The following PVT1 variants were observed in gnomAD, a reference collection of about 807,000 sequenced individuals.
The protein encoded by PVT1 is Pvt1 oncogene.
intron 3 of PVT1, among the ~76,000 whole-genome samples, chr8:127,899,548 C>T (rs2129821814): frequency 6.6e-6 from 1 of 152,272 alleles, no homozygotes; most frequent in East Asian, 1.9e-4. Flanking sequence ...AGATGAGTCA[C>T]CTCTGGGAAA....
chr8:127,859,438 GTC>G (rs1381037929), intron 2 of PVT1, among the ~76,000 whole-genome samples: 1 of 152,078 alleles, frequency 6.6e-6, no homozygotes, highest in Non-Finnish European at 1.5e-5. Flanking sequence ...TTGAACTCTG[GTC>G]TCTGTTTTTG....
intron 3 of PVT1, among the ~76,000 whole-genome samples, chr8:127,980,035 G>A (rs970948707): frequency 2.8e-5 from 4 of 145,160 alleles, no homozygotes; most frequent in African/African-American, 7.3e-5. Flanking sequence ...CCATACCACA[G>A]CATCCGGCTA....
chr8:127,847,261 C>T (rs1446122877), intron 2 of PVT1, among the ~76,000 whole-genome samples: 1 of 151,564 alleles, frequency 6.6e-6, no homozygotes, highest in Non-Finnish European at 1.5e-5. Context: ...AGTTGCTCTA[C>T]CCAATCCTAA....
chr8:127,947,197 C>T (rs1816431659), intron 3 of PVT1: 2 of 155,080 alleles, frequency 1.3e-5, no homozygotes, highest in African/African-American at 4.8e-5. Context: ...GCTCAGAGAG[C>T]TTAGGTAGCT....
intron 2 of PVT1, among the ~76,000 whole-genome samples, chr8:127,877,726 C>A (rs1815420884): frequency 6.6e-6 from 1 of 152,100 alleles, no homozygotes; most frequent in African/African-American, 2.4e-5. Flanking sequence ...AACTTTCTTT[C>A]CAGCCTGGGC....
At chr8:128,032,692 C>G (rs949165694) in intron 4 of PVT1, among the ~76,000 whole-genome samples, 1 of 152,220 alleles carries the variant, frequency 6.6e-6, no homozygotes, top group Non-Finnish European at 1.5e-5. Flanking sequence ...TGGACTGCCT[C>G]CATGTCTAGG....
intron 3 of PVT1, among the ~76,000 whole-genome samples, chr8:127,929,547 A>G (rs1174871053): frequency 1.3e-5 from 2 of 152,218 alleles, no homozygotes; most frequent in African/African-American, 4.8e-5. Context: ...CAGGCGGATC[A>G]CGAGGTCAGG....
chr8:127,887,014 A>G (rs1815530306), intron 2 of PVT1, among the ~76,000 whole-genome samples: 1 of 152,176 alleles, frequency 6.6e-6, no homozygotes, highest in African/African-American at 2.4e-5. Flanking sequence ...CTGACTCCCT[A>G]GTATTGGGCA....
At chr8:127,811,254 C>A (rs945946327) in intron 2 of PVT1, among the ~76,000 whole-genome samples, 2 of 152,156 alleles carry the variant, frequency 1.3e-5, no homozygotes, top group African/African-American at 4.8e-5. Context: ...AAAAGAGAAG[C>A]CTTTTAAAAT....
At chr8:127,852,253 G>T (rs369718628) in intron 2 of PVT1, 1 of 152,256 alleles carries the variant, frequency 6.6e-6, no homozygotes, top group Non-Finnish European at 1.5e-5. Flanking sequence ...AGAGCCTGGC[G>T]TCAGAAAGCT....
At chr8:128,006,728 A>G (rs920922185) in intron 4 of PVT1, among the ~76,000 whole-genome samples, 2 of 152,202 alleles carry the variant, frequency 1.3e-5, no homozygotes, top group South Asian at 4.1e-4. Flanking sequence ...TATTGAAAAA[A>G]TGCAATTTTT....
At chr8:127,969,338 T>C (rs555093379) in intron 3 of PVT1, among the ~76,000 whole-genome samples, 2 of 152,318 alleles carry the variant, frequency 1.3e-5, no homozygotes, top group East Asian at 3.9e-4. Flanking sequence ...TCCATTCCTT[T>C]ATCTTGATTC....
chr8:127,974,408 A>G (rs943793342), intron 3 of PVT1, among the ~76,000 whole-genome samples: 7 of 151,990 alleles, frequency 4.6e-5, no homozygotes, highest in African/African-American at 9.7e-5. Flanking sequence ...CATCATCATC[A>G]TCATCATTAT....
intron 4 of PVT1, among the ~76,000 whole-genome samples, chr8:128,059,530 A>G (rs1274109086): frequency 6.6e-6 from 1 of 152,272 alleles, no homozygotes; most frequent in Non-Finnish European, 1.5e-5. Context: ...GGAAATTTCA[A>G]TGTCCATAAA....
At chr8:127,890,206 A>G (rs760154231) in intron 2 of PVT1, among the ~76,000 whole-genome samples, 27 of 152,330 alleles carry the variant, frequency 1.8e-4, no homozygotes, top group Non-Finnish European at 3.2e-4. Flanking sequence ...AGCTCCCTGC[A>G]GGGACCTCTC....
At chr8:127,858,208 T>C (rs1815181500) in intron 2 of PVT1, among the ~76,000 whole-genome samples, 1 of 152,018 alleles carries the variant, frequency 6.6e-6, no homozygotes, top group African/African-American at 2.4e-5. Context: ...CGGTCCAACA[T>C]GGTGAAATAC....
At chr8:127,804,463 G>T (rs1814503393) in intron 2 of PVT1, among the ~76,000 whole-genome samples, 1 of 151,556 alleles carries the variant, frequency 6.6e-6, no homozygotes. Context: ...GAGCCACTGT[G>T]CCCAGGCTGT....
In PVT1 at chr8:127,898,342, G is replaced by C. The variant is rs7006686; in HGVS notation, n.782+7344G>C. Among the ~76,000 whole-genome samples, 1,086 of 152,210 alleles carry C rather than the reference G, an allele frequency of 7.1e-3. 15 individuals carry two copies. Among genetic ancestry groups the C allele is most frequent in the African/African-American group, 0.025 (1,045 of 41,546 alleles). The stretch of plus-strand genomic sequence containing the variant: ...AATAATGTAAAGAAAGAAAAGAAAG[G>C]AAAGAAAGATTCATTACTATCCTTT... On this transcript the variant is annotated intron_variant and non_coding_transcript_variant, in intron 3 of 10. Coordinates refer to ENST00000651587, the Ensembl canonical transcript of PVT1. The surrounding 1 kb of genome is among the most constrained non-coding windows in gnomAD (Gnocchi z 4.4).
chr8:127,937,580 C>CACACACACACACACACACACAGAGAG (rs59006608), intron 3 of PVT1, among the ~76,000 whole-genome samples: 3 of 107,794 alleles, frequency 2.8e-5, no homozygotes, highest in African/African-American at 1.1e-4. Flanking sequence ...CACACACACA[C>CACACACACACACACACACACAGAGAG]AGAGAGAGAG....
Sources: gnomAD v4.1 joint callset for allele counts (sites outside exome capture counted in the v4.1 genomes callset) on GRCh38, gnomAD v4.1.1 for gene constraint, Gnocchi (gnomAD v3.1) non-coding constraint, MANE v1.5 for transcripts, NCBI Gene and HGNC (gene_info 2026-07-23, HGNC 2026-07-21) for gene names.